CFAP77: variants seen among roughly 807,000 people sequenced by gnomAD.
The protein encoded by CFAP77 is cilia and flagella associated protein 77, also known as cilia- and flagella-associated protein 77.
A neutral mutation model predicts 31.1 loss-of-function variants in CFAP77; 25 were observed. That is an observed-to-expected ratio of 0.80 (90% CI 0.59 to 1.12). The LOEUF (loss-of-function observed/expected upper bound fraction) is 1.12, where lower values mean the gene tolerates loss of function less well. CFAP77 is among the 50% of genes most tolerant of loss of function. CFAP77 has a pLI of 0.00. For missense variants in CFAP77, 377 were observed against 397.3 expected, an observed-to-expected ratio of 0.95 and a Z score of 0.44; for synonymous variants, 151 against 159.9, an observed-to-expected ratio of 0.94 and a Z score of 0.42.
In CFAP77 at chr9:132,498,944, A is replaced by G. The variant is rs1015000968; in HGVS notation, c.295+150A>G. ...CGCCAGCCTGGGCAGCTGACTGGTA[A>G]AACCCAGGAAGTGGCCCAGATGGGG... On this transcript the variant is annotated intron_variant, in intron 2 of 5. Transcript: ENST00000393216. The surrounding 1 kb of genome is among the most constrained non-coding windows in gnomAD (Gnocchi z 4.2). 7 of 636,974 alleles carry G rather than the reference A, an allele frequency of 1.1e-5. No homozygotes were observed. The African/African-American group carries it at 1.3e-4, about 12-fold the overall frequency. The allele number at this position is 636,974 out of a possible 1,614,324, so 39.5% of individuals were successfully genotyped here.
intron 5 of CFAP77, among the ~76,000 whole-genome samples, chr9:132,546,841 G>C (rs564355750): frequency 6.6e-6 from 1 of 152,362 alleles, no homozygotes; most frequent in East Asian, 1.9e-4. Context: ...TCTCTCTCCA[G>C]ACCTCTGTTT....
At chr9:132,429,503 A>G (rs189089385) in intron 1 of CFAP77, among the ~76,000 whole-genome samples, 45 of 135,186 alleles carry the variant, frequency 3.3e-4, no homozygotes, top group African/African-American at 1.1e-3. Context: ...GCACCACCGC[A>G]CTCTAGCCCA....
rs909935248 is a variant in CFAP77, at chr9:132,429,407, C to T, written c.195+18941C>T. 4.3e-4 allele frequency among the ~76,000 whole-genome samples: 65 copies of T among 151,530 alleles called. 1 individual carries two copies. The highest frequency in any genetic ancestry group is 1.5e-3 in the African/African-American group (60 of 41,292). On this transcript the variant is annotated intron_variant, in intron 1 of 5. Coordinates refer to ENST00000393216, the MANE Select transcript of CFAP77 (RefSeq NM_001282957.2). Reference sequence around the variant, plus strand: ...TACAAAAATTAGCCAGGGGTGGTGGCGGTTCCTGTAGTCCCAGCTACTTGG... The same window carrying T: ...TACAAAAATTAGCCAGGGGTGGTGGTGGTTCCTGTAGTCCCAGCTACTTGG...
intron 1 of CFAP77, among the ~76,000 whole-genome samples, chr9:132,452,021 C>A (rs1850836776): frequency 2.0e-5 from 3 of 151,986 alleles, no homozygotes; most frequent in Admixed American, 1.3e-4. Context: ...CCAGGGTGGT[C>A]TCGATCTCCT....
At chr9:132,509,701 C>T (rs778628972) in intron 3 of CFAP77, among the ~76,000 whole-genome samples, 9 of 152,056 alleles carry the variant, frequency 5.9e-5, no homozygotes, top group Admixed American at 1.3e-4. Flanking sequence ...CCCGGGAGGT[C>T]GAGGTTGCAG....
chr9:132,548,075 AGTACAC>A (rs1163700929), intron 5 of CFAP77, among the ~76,000 whole-genome samples: 1 of 152,216 alleles, frequency 6.6e-6, no homozygotes, highest in Non-Finnish European at 1.5e-5. Context: ...AGATGGCTCA[AGTACAC>A]GTTAGGAGAC....
intron 3 of CFAP77, among the ~76,000 whole-genome samples, chr9:132,507,019 G>A (rs1302213059): frequency 6.6e-6 from 1 of 152,208 alleles, no homozygotes; most frequent in Non-Finnish European, 1.5e-5. Context: ...TTCTGTGTAA[G>A]GCCATCCTGT....
intron 1 of CFAP77, among the ~76,000 whole-genome samples, chr9:132,444,358 G>T (rs1850667778): frequency 6.6e-6 from 1 of 152,250 alleles, no homozygotes. Flanking sequence ...TGTCATTTGG[G>T]CAGGAAGTGT....
At chr9:132,442,845 C>A (rs1044239261) in intron 1 of CFAP77, among the ~76,000 whole-genome samples, 1 of 152,006 alleles carries the variant, frequency 6.6e-6, no homozygotes, top group Admixed American at 6.6e-5. Flanking sequence ...CACGGCCAAA[C>A]CATTTTAGAG....
intron 1 of CFAP77, among the ~76,000 whole-genome samples, chr9:132,445,462 C>G (rs1489556841): frequency 1.3e-5 from 2 of 152,212 alleles, no homozygotes; most frequent in African/African-American, 4.8e-5. Context: ...GGATAGACCA[C>G]ATTTTGTGTA....
At chr9:132,417,393 G>A (rs148177370) in intron 1 of CFAP77, among the ~76,000 whole-genome samples, 178 of 152,342 alleles carry the variant, frequency 1.2e-3, no homozygotes, top group African/African-American at 3.2e-3. Flanking sequence ...GATTACAGGC[G>A]TGAGCCACCA....
intron 4 of CFAP77, among the ~76,000 whole-genome samples, chr9:132,538,043 C>T (rs571543181): frequency 6.6e-6 from 1 of 152,310 alleles, no homozygotes; most frequent in South Asian, 2.1e-4. Context: ...CACCCAAAAT[C>T]AGATTTTAGA....
chr9:132,510,642 T>C (rs796712506), intron 3 of CFAP77, among the ~76,000 whole-genome samples: 3 of 152,238 alleles, frequency 2.0e-5, no homozygotes, highest in African/African-American at 7.2e-5. Flanking sequence ...CAGGAGGAGC[T>C]GCAGGCAGGC....
At position 132,511,387 on chromosome 9, in the gene CFAP77, C is replaced by G. The variant is rs1852036096; in HGVS notation, c.524+11787C>G. 1.3e-5 allele frequency among the ~76,000 whole-genome samples: 2 copies of G among 152,220 alleles called. No homozygotes were observed. The highest frequency in any genetic ancestry group is 2.4e-5 in the African/African-American group (1 of 41,454). Reference sequence around the variant, plus strand: ...CTTCAGACACTCCTGTGTCTCTTGCCTGGAGAGGCCACCCTGTGTGGCCAC... The same window carrying G: ...CTTCAGACACTCCTGTGTCTCTTGCGTGGAGAGGCCACCCTGTGTGGCCAC... On this transcript the variant is annotated intron_variant, in intron 3 of 5. Transcript: ENST00000393216. This position sits in a 1 kb window ranked among gnomAD's most constrained non-coding sequence, Gnocchi z 5.8.
chr9:132,429,807 C>T (rs191459611), intron 1 of CFAP77, among the ~76,000 whole-genome samples: 43 of 152,084 alleles, frequency 2.8e-4, no homozygotes, highest in African/African-American at 9.2e-4. Context: ...GCTGAGATCG[C>T]GTCACTGCAC....
At position 132,539,418 on chromosome 9, in the gene CFAP77, G is replaced by T. The variant is rs1163726333; in HGVS notation, c.630+1712G>T. On this transcript the variant is annotated intron_variant, in intron 4 of 5. Coordinates refer to ENST00000393216, the MANE Select transcript of CFAP77 (RefSeq NM_001282957.2). This position sits in a 1 kb window ranked among gnomAD's most constrained non-coding sequence, Gnocchi z 4.3. Reference sequence around the variant, plus strand: ...TCTCTCCTCCTATCATCTCAGTTTGGTTTATTTCACGGGGAAACTAGGGCT... The same window carrying T: ...TCTCTCCTCCTATCATCTCAGTTTGTTTTATTTCACGGGGAAACTAGGGCT... Among the ~76,000 whole-genome samples the T allele has an allele frequency of 1.3e-5, 2 of 152,106 alleles. No homozygotes were observed. The highest frequency in any genetic ancestry group is 2.9e-5 in the Non-Finnish European group (2 of 68,014).
intron 5 of CFAP77, among the ~76,000 whole-genome samples, chr9:132,553,152 GGA>G (rs368848848): frequency 1.3e-5 from 2 of 151,966 alleles, no homozygotes; most frequent in Non-Finnish European, 2.9e-5. Context: ...CTCACTTGCT[GGA>G]GAGAGAGAGA....
chr9:132,541,215 C>A (rs73659082), intron 4 of CFAP77, among the ~76,000 whole-genome samples: 4,601 of 152,310 alleles, frequency 0.03, 230 homozygotes, highest in African/African-American at 0.11. Context: ...ACAGCTACCA[C>A]TAAGTGAGCC....
Position 132,496,484 on chromosome 9 carries a change from G to A in CFAP77, c.196-2211G>A, listed in dbSNP as rs144988070. On this transcript the variant is annotated intron_variant, in intron 1 of 5. Transcript: ENST00000393216. The stretch of plus-strand genomic sequence containing the variant: ...CCAAAGAACGCCCCTTAGCCATCAC[G>A]GCTACAATCATTCCATCCGACCTGT... Among the ~76,000 whole-genome samples the A allele has an allele frequency of 1.8e-3, 274 of 152,222 alleles. 1 individual carries two copies. The highest frequency in any genetic ancestry group is 3.0e-3 in the Non-Finnish European group (205 of 68,024).
Sources: gnomAD v4.1 joint callset for allele counts (sites outside exome capture counted in the v4.1 genomes callset) on GRCh38, gnomAD v4.1.1 for gene constraint, Gnocchi (gnomAD v3.1) non-coding constraint, MANE v1.5 for transcripts, NCBI Gene and HGNC (gene_info 2026-07-23, HGNC 2026-07-21) for gene names.